Variants in DNAH9 observed in about 807,000 individuals in gnomAD.
DNAH9 encodes dynein axonemal heavy chain 9.
In DNAH9, 345 loss-of-function variants were observed where a neutral mutation model predicts 471.6. The ratio of observed to expected loss-of-function variants is 0.73; its 90% CI spans 0.67 to 0.80. The LOEUF (loss-of-function observed/expected upper bound fraction) is 0.80. Ranked by LOEUF, DNAH9 falls within the 30% of genes least tolerant of loss-of-function variation. The pLI, the probability that DNAH9 is intolerant of heterozygous loss-of-function variation, is 0.00. For synonymous variants in DNAH9, 2,093 were observed against 2,123.6 expected (o/e 0.99, Z 0.40); for missense variants, 5,407 against 5,609.2 (o/e 0.96, Z 1.15).
At chr17:11,857,331 TAAC>T (rs1293773497) in intron 50 of DNAH9, among the ~76,000 whole-genome samples, 1 of 152,194 alleles carries the variant, frequency 6.6e-6, no homozygotes, top group African/African-American at 2.4e-5. Context: ...TTCTTGCTTT[TAAC>T]AACCTCCTCT....
chr17:11,930,975 G>A lies in DNAH9; in HGVS notation c.12105+882G>A, dbSNP rs116069052. ...GGAATTTCAAGGCTTATGTTGTAGC[G>A]TATTTATTTGAAGCCAGGTCCAAGC... On this transcript the variant is annotated intron_variant, in intron 63 of 68. Transcript: ENST00000262442. Among the ~76,000 whole-genome samples, 486 of 152,300 alleles carry A rather than the reference G, an allele frequency of 3.2e-3. 4 individuals are homozygous for A. The highest frequency in any genetic ancestry group is 0.011 in the African/African-American group (447 of 41,556).
In DNAH9 at chr17:11,883,651, C is replaced by G. The variant is rs771242663; in HGVS notation, c.10872C>G (p.Leu3624=). 6.8e-6 allele frequency: 11 copies of G among 1,614,048 alleles called. No homozygotes were observed. In the Middle Eastern group the frequency reaches 6.6e-4, roughly 96 times the overall value. ...TGAAAACGTTGGAAGACAGTCTTCT[C>G]TCTCGCCTCTCCTCCGCCTCTGGGA... is the stretch of plus-strand genomic sequence containing the variant. ...ITLKTLEDSL[L]SRLSSASGNF... The change falls in exon 56 of 69, where the codon CTC becomes CTG. Residue 3624 remains leucine (L), a synonymous_variant. Transcript: ENST00000262442.
Position 11,690,427 on chromosome 17 carries a change from G to C in DNAH9, c.4605G>C (p.Gln1535His). 2 of 1,613,096 alleles carry C rather than the reference G, an allele frequency of 1.2e-6. No individual in the cohort carries two copies. The highest frequency in any genetic ancestry group is 1.7e-6 in the Non-Finnish European group (2 of 1,179,190). The change falls in exon 20 of 69, where the codon CAG becomes CAC. Residue 1535 changes from glutamine (Q) to histidine (H), a missense_variant. Gln to His is a conservative substitution (Grantham distance 24). Coordinates refer to ENST00000262442, the MANE Select transcript of DNAH9 (RefSeq NM_001372.4). Reference protein sequence around the residue: ...IFTGSEDIRAQLPQDSKRFEG... With the variant: ...IFTGSEDIRAHLPQDSKRFEG... ...CTGGATCTGAAGATATTCGGGCACA[G>C]CTACCCCAGGTACCTGCTAAGGAAA...
At chr17:11,723,672 T>G (rs2075101594) in intron 27 of DNAH9, among the ~76,000 whole-genome samples, 1 of 152,052 alleles carries the variant, frequency 6.6e-6, no homozygotes. Flanking sequence ...TGAATTTTTT[T>G]TTTCTTTTTT....
chr17:11,618,942 A>G (rs1463218341), intron 5 of DNAH9, among the ~76,000 whole-genome samples: 1 of 152,188 alleles, frequency 6.6e-6, no homozygotes, highest in African/African-American at 2.4e-5. Context: ...CATGTTTATC[A>G]GCCAGAACTC....
rs748633763 is a variant in DNAH9, at chr17:11,793,541, A to G, written c.8100A>G (p.Thr2700=). The change falls in exon 42 of 69, where the codon ACA becomes ACG. Residue 2700 remains threonine (T), a synonymous_variant. Transcript: ENST00000262442. The part of the protein sequence containing the change: ...LFSSVECVKS[T]WDLIRLYLHE... Reference sequence around the variant, plus strand: ...CCTCAGTGGAATGTGTGAAATCCACATGGGATCTTATAAGGCTCTATCTGC... The same window carrying G: ...CCTCAGTGGAATGTGTGAAATCCACGTGGGATCTTATAAGGCTCTATCTGC... The G allele has an allele frequency of 1.2e-6, 2 of 1,613,886 alleles. No homozygotes were observed. The highest frequency in any genetic ancestry group is 1.3e-5 in the African/African-American group (1 of 75,042).
intron 26 of DNAH9, among the ~76,000 whole-genome samples, chr17:11,715,663 G>A (rs562431997): frequency 1.3e-5 from 2 of 152,220 alleles, no homozygotes; most frequent in Admixed American, 1.3e-4. Context: ...AGGATCTTTT[G>A]CCATTGTCAT....
In DNAH9 at chr17:11,880,404, T is replaced by G. The variant is rs555833583; in HGVS notation, c.10601+204T>G. On this transcript the variant is annotated intron_variant, in intron 54 of 68. Coordinates refer to ENST00000262442, the MANE Select transcript of DNAH9 (RefSeq NM_001372.4). ...TAGAGAAAGTTTCCTGGAGAAACTT[T>G]GCTTCCATCAGCCAGTGTCCCAACT... 7.9e-5 allele frequency among the ~76,000 whole-genome samples: 12 copies of G among 152,276 alleles called. No homozygotes were observed. The East Asian group carries it at 2.3e-3, about 29-fold the overall frequency.
chr17:11,792,974 G>GC, intron 41 of DNAH9, among the ~76,000 whole-genome samples: 1 of 152,268 alleles, frequency 6.6e-6, no homozygotes, highest in Non-Finnish European at 1.5e-5. Context: ...ATCTGGCGAA[G>GC]CATCTAGTCC....
At chr17:11,661,832 T>C (rs757444807) in intron 14 of DNAH9, among the ~76,000 whole-genome samples, 1 of 152,118 alleles carries the variant, frequency 6.6e-6, no homozygotes, top group East Asian at 1.9e-4. Context: ...TGCAGTGTTA[T>C]AGTTTTTACT....
At chr17:11,850,701 C>G (rs535084091) in intron 49 of DNAH9, among the ~76,000 whole-genome samples, 1 of 151,648 alleles carries the variant, frequency 6.6e-6, no homozygotes, top group African/African-American at 2.4e-5. Context: ...ATTAGCACCA[C>G]GCTGCTCTAT....
intron 27 of DNAH9, among the ~76,000 whole-genome samples, chr17:11,723,792 C>T (rs141015623): frequency 0.025 from 3,824 of 152,046 alleles, 152 homozygotes; most frequent in African/African-American, 0.086. Flanking sequence ...CTCAGCCTCC[C>T]GAGTAGCTTG....
At chr17:11,598,962 G>T in intron 1 of DNAH9, 47 bp downstream of exon 1, 2 of 1,402,046 alleles carry the variant, frequency 1.4e-6, no homozygotes, top group South Asian at 1.4e-5. Context: ...GGGTGGGGGA[G>T]GGGAGGAGGA....
intron 4 of DNAH9, among the ~76,000 whole-genome samples, chr17:11,615,687 C>G (rs1230309070): frequency 1.3e-5 from 2 of 152,006 alleles, no homozygotes; most frequent in Admixed American, 6.6e-5. Flanking sequence ...GATGGCCAAC[C>G]CTTTTCTCAA....
intron 1 of DNAH9, among the ~76,000 whole-genome samples, chr17:11,601,594 A>G (rs534759527): frequency 3.2e-4 from 48 of 152,326 alleles, no homozygotes; most frequent in Admixed American, 1.6e-3. Flanking sequence ...CAAAGCTTGT[A>G]CCAGTAACTT....
At chr17:11,946,064 G>A (rs1975109210) in intron 67 of DNAH9, among the ~76,000 whole-genome samples, 1 of 151,944 alleles carries the variant, frequency 6.6e-6, no homozygotes, top group Non-Finnish European at 1.5e-5. Context: ...GCCAGGCGTG[G>A]TGGCACGCAC....
At chr17:11,801,891 G>GA (rs1010948551) in intron 43 of DNAH9, among the ~76,000 whole-genome samples, 21 of 148,274 alleles carry the variant, frequency 1.4e-4, no homozygotes, top group Middle Eastern at 3.4e-3. Flanking sequence ...ATTGTTTTTA[G>GA]AAAAAAAAAA....
chr17:11,812,790 G>A (rs1418377619), intron 45 of DNAH9, among the ~76,000 whole-genome samples: 3 of 151,974 alleles, frequency 2.0e-5, no homozygotes, highest in Non-Finnish European at 2.9e-5. Flanking sequence ...TTTCTTAAAT[G>A]CAATCTCTTT....
chr17:11,655,239 G>A (rs2073615441), intron 14 of DNAH9, among the ~76,000 whole-genome samples: 1 of 151,698 alleles, frequency 6.6e-6, no homozygotes, highest in African/African-American at 2.4e-5. Context: ...AACATACAAC[G>A]TTTGGTTTTC....
Sources: allele counts gnomAD v4.1 joint callset (sites outside exome capture counted in the v4.1 genomes callset), GRCh38; gene constraint gnomAD v4.1.1; transcripts MANE v1.5; gene names NCBI Gene and HGNC (gene_info 2026-07-23, HGNC 2026-07-21).